The following GREB1L variants were observed in gnomAD, a reference collection of about 807,000 sequenced individuals.
GREB1L encodes the protein GREB1 like retinoic acid receptor coactivator.
GREB1L carries 17 observed loss-of-function variants against 200.8 expected under a neutral mutation model. That is an observed-to-expected ratio of 0.08 (90% confidence interval 0.06 to 0.13). The LOEUF is 0.13. GREB1L is among the 10% of genes least tolerant of loss of function. The pLI, the probability that GREB1L is intolerant of heterozygous loss-of-function variation, is 1.00. For missense variants in GREB1L, 1,657 were observed against 2,367.7 expected (o/e 0.70, Z 6.23); for synonymous variants, 789 against 893.0 (o/e 0.88, Z 2.08).
chr18:21,260,394 G>GA (rs931536807), intron 1 of GREB1L, among the ~76,000 whole-genome samples: 69 of 151,808 alleles, frequency 4.5e-4, no homozygotes, highest in African/African-American at 1.6e-3. Context: ...ATTAAGGAGG[G>GA]AAAAAAAGGA....
Position 21,499,938 on chromosome 18 carries a change from C to A in GREB1L, c.3601C>A (p.Pro1201Thr), listed in dbSNP as rs1231721634. 2 of 1,550,198 alleles carry A rather than the reference C, an allele frequency of 1.3e-6. No homozygotes were observed. The highest frequency in any genetic ancestry group is 4.9e-5 in the East Asian group (2 of 40,896). The change falls in exon 22 of 33, where the codon CCG (proline) becomes ACG (threonine). Residue 1201 changes from proline to threonine, a missense_variant. Pro to Thr is a conservative substitution (Grantham distance 38). Around this residue, in one of 9 missense-constraint regions of GREB1L, gnomAD observed 512 missense variants for 668.3 expected, o/e 0.77. Coordinates refer to ENST00000424526, the MANE Select transcript of GREB1L (RefSeq NM_001142966.3). ...PQMASSTTSK[P>T]SSSSSGPRTL... ...GATGGCGAGCAGCACCACCTCCAAG[C>A]CGTCATCATCATCCTCAGGACCCAG...
rs1302256869 is a variant in GREB1L at position 21,460,294 on chromosome 18, C to T, written c.2182+5731C>T. 2.0e-5 allele frequency among the ~76,000 whole-genome samples: 3 copies of T among 152,092 alleles called. No individual in the cohort carries two copies. In the East Asian group the frequency reaches 5.8e-4, roughly 29 times the overall value. On this transcript the variant is annotated intron_variant, in intron 15 of 32. Transcript: ENST00000424526. The stretch of plus-strand genomic sequence containing the variant: ...GGTTCAAGCAATTCTTCTACCTCAG[C>T]CTCCCGAGTAGCTGGGATTACAGGC...
chr18:21,448,035 G>T (rs138777580), intron 11 of GREB1L, among the ~76,000 whole-genome samples: 11 of 152,068 alleles, frequency 7.2e-5, no homozygotes, highest in African/African-American at 2.4e-4. Flanking sequence ...TGTTGGGCAT[G>T]CCTGTAATCC....
At chr18:21,339,056 G>A (rs549724051) in intron 1 of GREB1L, among the ~76,000 whole-genome samples, 11 of 152,132 alleles carry the variant, frequency 7.2e-5, no homozygotes, top group Non-Finnish European at 1.3e-4. Flanking sequence ...GCGTGGTGGC[G>A]GGCGCCTGTA....
intron 1 of GREB1L, among the ~76,000 whole-genome samples, chr18:21,356,829 A>G: frequency 6.6e-6 from 1 of 152,114 alleles, no homozygotes; most frequent in Non-Finnish European, 1.5e-5. Context: ...ATCCTCTCCA[A>G]CACCTGTTAT....
At chr18:21,471,813 G>A (rs1241141847) in intron 15 of GREB1L, among the ~76,000 whole-genome samples, 1 of 151,872 alleles carries the variant, frequency 6.6e-6, no homozygotes, top group African/African-American at 2.4e-5. Flanking sequence ...TAGAGATAAG[G>A]TCTCACTATG....
intron 15 of GREB1L, among the ~76,000 whole-genome samples, chr18:21,466,275 G>A (rs2035259974): frequency 6.6e-6 from 1 of 152,034 alleles, no homozygotes; most frequent in African/African-American, 2.4e-5. Flanking sequence ...GAGTTTCTCT[G>A]GGAATAGAAT....
intron 1 of GREB1L, among the ~76,000 whole-genome samples, chr18:21,297,312 A>G (rs2038545684): frequency 6.6e-6 from 1 of 152,156 alleles, no homozygotes; most frequent in Admixed American, 6.5e-5. Context: ...GTGTGCAGTG[A>G]TAATACTGTC....
chr18:21,350,675 G>T (rs2039419724), intron 1 of GREB1L, among the ~76,000 whole-genome samples: 1 of 152,186 alleles, frequency 6.6e-6, no homozygotes, highest in East Asian at 1.9e-4. Flanking sequence ...ACTCAGAAAA[G>T]ACTTCATGGG....
At chr18:21,466,704 A>G (rs2035275081) in intron 15 of GREB1L, among the ~76,000 whole-genome samples, 1 of 152,210 alleles carries the variant, frequency 6.6e-6, no homozygotes, top group Non-Finnish European at 1.5e-5. Context: ...GATTCAATGC[A>G]TCCCCTACCA....
chr18:21,457,529 A>G (rs929568382), intron 15 of GREB1L, among the ~76,000 whole-genome samples: 8 of 152,230 alleles, frequency 5.3e-5, no homozygotes, highest in Admixed American at 2.6e-4. Context: ...AAATGTTGGC[A>G]TTAACAAATA....
intron 2 of GREB1L, among the ~76,000 whole-genome samples, chr18:21,370,848 C>G (rs1364414348): frequency 6.6e-6 from 1 of 152,152 alleles, no homozygotes; most frequent in Admixed American, 6.5e-5. Context: ...GAGCCTGAGG[C>G]AGGTGGATTG....
intron 18 of GREB1L, among the ~76,000 whole-genome samples, chr18:21,489,696 T>C (rs1387676699): frequency 6.6e-6 from 1 of 152,148 alleles, no homozygotes; most frequent in Non-Finnish European, 1.5e-5. Flanking sequence ...GTGGGGAGAT[T>C]GAGCATTTCT....
intron 6 of GREB1L, among the ~76,000 whole-genome samples, chr18:21,402,804 T>C (rs1048642397): frequency 2.6e-5 from 4 of 152,160 alleles, no homozygotes; most frequent in African/African-American, 9.7e-5. Flanking sequence ...ATTACAGGCA[T>C]GAGCCACTAT....
At chr18:21,326,501 C>T (rs2039025302) in intron 1 of GREB1L, among the ~76,000 whole-genome samples, 1 of 152,172 alleles carries the variant, frequency 6.6e-6, no homozygotes, top group Admixed American at 6.5e-5. Flanking sequence ...CTCCAGGCAT[C>T]CTGTCTACAG....
chr18:21,314,385 G>A (rs557006175), intron 1 of GREB1L, among the ~76,000 whole-genome samples: 2 of 152,086 alleles, frequency 1.3e-5, no homozygotes, highest in Non-Finnish European at 2.9e-5. Flanking sequence ...ACTTTCACAC[G>A]AGGTCAAAAA....
rs139627261 is a variant in GREB1L, at chr18:21,473,771, C to T, written c.2363+560C>T. 2.9e-3 allele frequency among the ~76,000 whole-genome samples: 438 copies of T among 152,082 alleles called. 1 individual carries two copies. Among genetic ancestry groups the T allele is most frequent in the South Asian group, 9.3e-3 (45 of 4,814 alleles). On this transcript the variant is annotated intron_variant, in intron 16 of 32. Transcript: ENST00000424526. ...TTCATGGTGCTAATAAGGACATACC[C>T]GAGACTGGGAAAATTTACAAAAGAG...
At chr18:21,493,396 T>A (rs1330095567) in intron 19 of GREB1L, among the ~76,000 whole-genome samples, 1 of 151,986 alleles carries the variant, frequency 6.6e-6, no homozygotes, top group Admixed American at 6.6e-5. Flanking sequence ...GATCACCCCA[T>A]CTTTTGTGTT....
intron 1 of GREB1L, among the ~76,000 whole-genome samples, chr18:21,348,292 C>G (rs949566893): frequency 2.6e-5 from 4 of 151,900 alleles, no homozygotes; most frequent in African/African-American, 9.7e-5. Flanking sequence ...CTCCTGGACC[C>G]TCTCTCATTC....
Sources: allele counts gnomAD v4.1 joint callset (sites outside exome capture counted in the v4.1 genomes callset), GRCh38; gene constraint gnomAD v4.1.1; regional missense constraint gnomAD v4.1.1; transcripts MANE v1.5; gene names NCBI Gene and HGNC (gene_info 2026-07-23, HGNC 2026-07-21).